The following COL10A1 variants were observed in gnomAD, a reference collection of about 807,000 sequenced individuals.
The protein encoded by COL10A1 is collagen alpha-1(X) chain.
A neutral mutation model predicts 18.2 loss-of-function variants in COL10A1; 10 were observed. That is an observed-to-expected ratio of 0.55 (90% CI 0.34 to 0.93). The LOEUF (loss-of-function observed/expected upper bound fraction) is 0.93, where lower values mean the gene tolerates loss of function less well. COL10A1 is among the 40% of genes least tolerant of loss of function. COL10A1 has a pLI of 0.02. For missense variants in COL10A1, 897 were observed against 853.5 expected (o/e 1.05, Z -0.64); for synonymous variants, 330 against 316.6 (o/e 1.04, Z -0.45).
In COL10A1 at chr6:116,119,922, G is replaced by T. The variant is rs534102410; in HGVS notation, c.*151C>A. 86 of 741,932 alleles carry T rather than the reference G, an allele frequency of 1.2e-4. No individual in the cohort carries two copies. In the East Asian group the frequency reaches 1.4e-3, roughly 12 times the overall value. The allele number at this position is 741,932 out of a possible 1,614,324, so 46.0% of individuals were successfully genotyped here. On this transcript the variant is annotated 3_prime_UTR_variant, in exon 3 of 3. Transcript: ENST00000651968. The stretch of plus-strand genomic sequence containing the variant: ...TTTACGTTGCTGCTCACTTTTCAGG[G>T]GGAAGGTTTGTTGGTCTGATAGCTC...
At chr6:116,136,399 A>G (rs1257932775) in intron 1 of COL10A1, among the ~76,000 whole-genome samples, 1 of 152,072 alleles carries the variant, frequency 6.6e-6, no homozygotes, top group South Asian at 2.1e-4. Context: ...CTTTATAATC[A>G]TGATTCTTCT....
the COL10A1 span, among the ~76,000 whole-genome samples, chr6:116,174,810 A>G: frequency 2.0e-5 from 3 of 152,206 alleles, no homozygotes. Context: ...CACTGGTACC[A>G]TAAAGCATGG....
At chr6:116,212,481 T>C in the COL10A1 span, among the ~76,000 whole-genome samples, 1 of 152,090 alleles carries the variant, frequency 6.6e-6, no homozygotes, top group Admixed American at 6.6e-5. Context: ...CTGAAATGGA[T>C]TGCTTCTAAG....
intron 2 of COL10A1, 83 bp downstream of exon 2, chr6:116,125,256 A>G (rs1779260192): frequency 2.7e-6 from 4 of 1,488,118 alleles, no homozygotes; most frequent in Non-Finnish European, 2.8e-6. Context: ...CCAAAGTTAA[A>G]TGCATTTTGT....
chr6:116,166,748 T>C, the COL10A1 span, among the ~76,000 whole-genome samples: 1 of 152,228 alleles, frequency 6.6e-6, no homozygotes, highest in Non-Finnish European at 1.5e-5. Context: ...AGACTTTTCA[T>C]CTTTTATCTA....
At chr6:116,142,799 G>T (rs1280185804) in intron 1 of COL10A1, among the ~76,000 whole-genome samples, 1 of 152,186 alleles carries the variant, frequency 6.6e-6, no homozygotes, top group Non-Finnish European at 1.5e-5. Flanking sequence ...GACTGAAGAT[G>T]TAAGGTTCTG....
At chr6:116,179,654 G>A in the COL10A1 span, among the ~76,000 whole-genome samples, 18 of 152,178 alleles carry the variant, frequency 1.2e-4, no homozygotes, top group South Asian at 6.2e-4. Flanking sequence ...AAAGAATAAC[G>A]GGTTTTGAAC....
the COL10A1 span, among the ~76,000 whole-genome samples, chr6:116,194,121 A>G: frequency 6.6e-6 from 1 of 152,084 alleles, no homozygotes; most frequent in Non-Finnish European, 1.5e-5. Flanking sequence ...CAGGTAAAGT[A>G]AGAAATTGTA....
At chr6:116,182,530 A>G in the COL10A1 span, among the ~76,000 whole-genome samples, 1 of 151,992 alleles carries the variant, frequency 6.6e-6, no homozygotes, top group African/African-American at 2.4e-5. Flanking sequence ...CCTTTTCACC[A>G]CATCCACGCC....
intron 1 of COL10A1, among the ~76,000 whole-genome samples, chr6:116,143,272 G>A (rs1027388220): frequency 6.6e-6 from 1 of 151,972 alleles, no homozygotes; most frequent in Non-Finnish European, 1.5e-5. Flanking sequence ...GTGCAGTGGC[G>A]CGATTTTGGC....
chr6:116,177,780 C>A, the COL10A1 span, among the ~76,000 whole-genome samples: 2 of 151,898 alleles, frequency 1.3e-5, no homozygotes, highest in Non-Finnish European at 2.9e-5. Flanking sequence ...AAATTATAAC[C>A]ACGTGAAAGG....
At chr6:116,210,257 G>T in the COL10A1 span, among the ~76,000 whole-genome samples, 3 of 151,694 alleles carry the variant, frequency 2.0e-5, no homozygotes, top group Non-Finnish European at 2.9e-5. Context: ...TATATGTAAG[G>T]TTCAAAAAGA....
chr6:116,121,083 G>A lies in COL10A1; in HGVS notation c.1033C>T (p.Pro345Ser), dbSNP rs751386186. The change falls in exon 3 of 3, where the codon CCC becomes TCC. Residue 345 changes from proline to serine, a missense_variant. Pro to Ser is a moderately conservative substitution (Grantham distance 74). Coordinates refer to ENST00000651968, the MANE Select transcript of COL10A1 (RefSeq NM_000493.4). ...GLTGPPGNMGPQGPKGIPGSH... is the reference protein window; with the variant it reads ...GLTGPPGNMGSQGPKGIPGSH... ...CCCGGGATGCCTTTTGGTCCTTGGG[G>A]TCCCATATTCCCAGGGGGTCCAGTC... is the stretch of plus-strand genomic sequence containing the variant. 3 of 1,613,990 alleles carry A rather than the reference G, an allele frequency of 1.9e-6. No homozygotes were observed. The highest frequency in any genetic ancestry group is 2.2e-5 in the East Asian group (1 of 44,864).
chr6:116,190,282 A>C, the COL10A1 span, among the ~76,000 whole-genome samples: 1 of 152,006 alleles, frequency 6.6e-6, no homozygotes, highest in East Asian at 1.9e-4. Flanking sequence ...TCTTTTATCA[A>C]TATATGAAAT....
At chr6:116,139,529 TA>T (rs1779710687) in intron 1 of COL10A1, among the ~76,000 whole-genome samples, 1 of 152,172 alleles carries the variant, frequency 6.6e-6, no homozygotes, top group African/African-American at 2.4e-5. Context: ...GAACTGCATT[TA>T]AAATGCATTT....
chr6:116,193,873 C>G, the COL10A1 span, among the ~76,000 whole-genome samples: 2 of 151,872 alleles, frequency 1.3e-5, no homozygotes, highest in African/African-American at 4.8e-5. Context: ...TTGTTCGAAA[C>G]CAGCCTAGGC....
At chr6:116,177,803 C>T in the COL10A1 span, among the ~76,000 whole-genome samples, 1 of 152,078 alleles carries the variant, frequency 6.6e-6, no homozygotes, top group Non-Finnish European at 1.5e-5. Context: ...ATTAAAGCAT[C>T]CCATTTGTTT....
At chr6:116,131,513 C>T (rs914500897) in intron 1 of COL10A1, among the ~76,000 whole-genome samples, 2 of 152,092 alleles carry the variant, frequency 1.3e-5, no homozygotes, top group African/African-American at 4.8e-5. Flanking sequence ...TTATAGATAA[C>T]AGTTTATATT....
chr6:116,122,666 T>C (rs556609964), intron 2 of COL10A1, among the ~76,000 whole-genome samples: 1 of 152,310 alleles, frequency 6.6e-6, no homozygotes, highest in South Asian at 2.1e-4. Flanking sequence ...TCATAGTGCC[T>C]GTGATGTGAA....
Sources: gnomAD v4.1 joint callset for allele counts (sites outside exome capture counted in the v4.1 genomes callset) on GRCh38, gnomAD v4.1.1 for gene constraint, MANE v1.5 for transcripts, NCBI Gene and HGNC (gene_info 2026-07-23, HGNC 2026-07-21) for gene names.